Variants in CPA6 observed in about 807,000 individuals in gnomAD.
CPA6 encodes the protein carboxypeptidase B.
In CPA6, 58 loss-of-function variants were observed where a neutral mutation model predicts 63.3. That is an observed-to-expected ratio of 0.92 (90% CI 0.74 to 1.14). CPA6 has a LOEUF of 1.14. Among genes scored for constraint, CPA6 ranks in the 50% most tolerant of loss-of-function variants. CPA6 has a pLI of 0.00. For synonymous variants in CPA6, 185 were observed against 179.0 expected (o/e 1.03, Z -0.27); for missense variants, 565 against 526.6 (o/e 1.07, Z -0.71).
chr8:67,495,182 G>T (rs1811684356), intron 6 of CPA6, among the ~76,000 whole-genome samples: 1 of 152,170 alleles, frequency 6.6e-6, no homozygotes, highest in African/African-American at 2.4e-5. Flanking sequence ...TCCTGCCAAT[G>T]CTTCAAATGA....
At chr8:67,445,918 T>A (rs541382946) in intron 8 of CPA6, among the ~76,000 whole-genome samples, 1 of 152,186 alleles carries the variant, frequency 6.6e-6, no homozygotes, top group Non-Finnish European at 1.5e-5. Flanking sequence ...CATGCAATTG[T>A]ATAAATGAGA....
chr8:67,545,129 T>C (rs1310660535), intron 2 of CPA6, among the ~76,000 whole-genome samples: 1 of 152,226 alleles, frequency 6.6e-6, no homozygotes, highest in African/African-American at 2.4e-5. Context: ...CACCAGGTTA[T>C]GTAGAAGTGA....
chr8:67,431,574 T>C (rs1457742302), intron 9 of CPA6, among the ~76,000 whole-genome samples: 1 of 152,094 alleles, frequency 6.6e-6, no homozygotes, highest in Non-Finnish European at 1.5e-5. Flanking sequence ...TCATCTGTTG[T>C]ATGAATATAA....
At chr8:67,667,921 G>A (rs957386657) in intron 1 of CPA6, among the ~76,000 whole-genome samples, 5 of 152,198 alleles carry the variant, frequency 3.3e-5, no homozygotes, top group Non-Finnish European at 7.3e-5. Flanking sequence ...GGGCAAAAGC[G>A]AGCTTCTCAA....
intron 1 of CPA6, among the ~76,000 whole-genome samples, chr8:67,637,513 C>T (rs948289983): frequency 6.6e-6 from 1 of 151,556 alleles, no homozygotes; most frequent in African/African-American, 2.4e-5. Flanking sequence ...GGATGGGACT[C>T]AGTCTGAGAA....
At chr8:67,424,576 G>A (rs1341386741) in intron 10 of CPA6, among the ~76,000 whole-genome samples, 2 of 152,168 alleles carry the variant, frequency 1.3e-5, no homozygotes, top group Admixed American at 1.3e-4. Context: ...ATTGGCCAAA[G>A]TACTCAAGGA....
Position 67,600,042 on chromosome 8 carries a change from G to A in CPA6, c.192+24134C>T, listed in dbSNP as rs1461946609. On this transcript the variant is annotated intron_variant, in intron 2 of 10. Coordinates refer to ENST00000297770, the MANE Select transcript of CPA6 (RefSeq NM_020361.5). ...CTGAAATGAATTAGGAATGGCACAAGGCAATACTTTTAAGGACACATTTCT... is the reference window on the plus strand; with the variant it reads ...CTGAAATGAATTAGGAATGGCACAAAGCAATACTTTTAAGGACACATTTCT... Among the ~76,000 whole-genome samples, 3 of 151,764 alleles carry A rather than the reference G, an allele frequency of 2.0e-5. No individual in the cohort carries two copies. The East Asian group carries it at 5.8e-4, about 29-fold the overall frequency.
At chr8:67,682,854 T>A (rs1031939075) in intron 1 of CPA6, among the ~76,000 whole-genome samples, 5 of 152,246 alleles carry the variant, frequency 3.3e-5, no homozygotes, top group African/African-American at 1.2e-4. Context: ...CTACATGGGA[T>A]ATTCCCTAGA....
chr8:67,695,867 C>T (rs1816903569), intron 1 of CPA6, among the ~76,000 whole-genome samples: 1 of 152,176 alleles, frequency 6.6e-6, no homozygotes, highest in Non-Finnish European at 1.5e-5. Flanking sequence ...TTCACTATTA[C>T]CCCTAGTGAC....
chr8:67,623,501 T>C (rs1191078833), intron 2 of CPA6, among the ~76,000 whole-genome samples: 5 of 151,950 alleles, frequency 3.3e-5, no homozygotes, highest in Non-Finnish European at 7.4e-5. Flanking sequence ...AAAAAAGAGA[T>C]ACTAGACCTC....
chr8:67,501,632 T>C (rs1219508775), intron 6 of CPA6, among the ~76,000 whole-genome samples: 4 of 152,196 alleles, frequency 2.6e-5, no homozygotes, highest in Non-Finnish European at 5.9e-5. Flanking sequence ...TAATTATTTT[T>C]CTTGATTGCT....
chr8:67,496,558 T>TA (rs71253010), intron 6 of CPA6, among the ~76,000 whole-genome samples: 166 of 122,712 alleles, frequency 1.4e-3, no homozygotes, highest in African/African-American at 4.2e-3. Flanking sequence ...TATATATATA[T>TA]TTATTTTATT....
intron 1 of CPA6, among the ~76,000 whole-genome samples, chr8:67,740,023 A>T (rs929605475): frequency 6.6e-6 from 1 of 152,204 alleles, no homozygotes; most frequent in African/African-American, 2.4e-5. Context: ...TTCTTCCTTA[A>T]GAGTGACACA....
chr8:67,734,594 G>T (rs1466793990), intron 1 of CPA6, among the ~76,000 whole-genome samples: 1 of 152,128 alleles, frequency 6.6e-6, no homozygotes, highest in Non-Finnish European at 1.5e-5. Flanking sequence ...TGTAAGTCGA[G>T]GGCTTAGAAT....
At chr8:67,740,323 C>G (rs771943111) in intron 1 of CPA6, among the ~76,000 whole-genome samples, 2 of 152,192 alleles carry the variant, frequency 1.3e-5, no homozygotes, top group African/African-American at 2.4e-5. Flanking sequence ...TTCTTGTGCT[C>G]TAGACCTAGG....
chr8:67,735,825 C>T lies in CPA6; in HGVS notation c.116+10189G>A, dbSNP rs545264848. On this transcript the variant is annotated intron_variant, in intron 1 of 10. Transcript: ENST00000297770. Reference sequence around the variant, plus strand: ...ACTAAGTTCTTGGCTTAAAGTTGTTCATGAGCATGCTGTTACCTTTGGGAG... The same window carrying T: ...ACTAAGTTCTTGGCTTAAAGTTGTTTATGAGCATGCTGTTACCTTTGGGAG... 1.3e-4 allele frequency among the ~76,000 whole-genome samples: 20 copies of T among 152,230 alleles called. No homozygotes were observed. The East Asian group carries it at 3.9e-3, about 29-fold the overall frequency.
chr8:67,737,421 T>C (rs891162994), intron 1 of CPA6, among the ~76,000 whole-genome samples: 1 of 152,228 alleles, frequency 6.6e-6, no homozygotes, highest in Admixed American at 6.5e-5. Flanking sequence ...ATATCTTGCA[T>C]ATTTAATAAA....
intron 2 of CPA6, among the ~76,000 whole-genome samples, chr8:67,579,596 A>G (rs1314778669): frequency 6.6e-6 from 1 of 152,228 alleles, no homozygotes; most frequent in Non-Finnish European, 1.5e-5. Flanking sequence ...AATACAAATA[A>G]TATGGGTCAA....
chr8:67,483,934 A>G, intron 7 of CPA6, 76 bp from the exon 8 acceptor site: 1 of 1,171,318 alleles, frequency 8.5e-7, no homozygotes, highest in Non-Finnish European at 1.3e-6. Context: ...TAGCTCAATC[A>G]ATGAAAGAGT....
Sources: allele counts gnomAD v4.1 joint callset (sites outside exome capture counted in the v4.1 genomes callset), GRCh38; gene constraint gnomAD v4.1.1; transcripts MANE v1.5; gene names NCBI Gene and HGNC (gene_info 2026-07-23, HGNC 2026-07-21).